The following CENPI variants were observed in gnomAD, a reference collection of about 807,000 sequenced individuals.
The protein encoded by CENPI is centromere protein I.
Under a neutral mutation model 60.4 loss-of-function variants are expected in CENPI, and 4 were observed. The ratio of observed to expected loss-of-function variants is 0.07; its 90% CI spans 0.03 to 0.15. The LOEUF is 0.15. Ranked by LOEUF, CENPI falls within the 10% of genes least tolerant of loss-of-function variation. The pLI, the probability that CENPI is intolerant of heterozygous loss-of-function variation, is 1.00. For missense variants in CENPI, 444 were observed against 534.5 expected, an observed-to-expected ratio of 0.83 and a Z score of 1.67; for synonymous variants, 157 against 189.4, an observed-to-expected ratio of 0.83 and a Z score of 1.40.
Position 101,124,090 on chromosome X carries a change from AGTGTGTGTGTGTGT to A in CENPI, c.688-2586_688-2573del, listed in dbSNP as rs397842781. Among the ~76,000 whole-genome samples the A allele has an allele frequency of 5.4e-4, 48 of 88,260 alleles. No homozygotes were observed. The South Asian group carries it at 6.5e-3, about 12-fold the overall frequency. The allele number at this position is 88,260 out of a possible 115,157, so 76.6% of individuals were successfully genotyped here. On this transcript the variant is annotated intron_variant, in intron 8 of 21. Transcript: ENST00000682095. ...TTGCACGGTTGTACATATAGAATCAAGTGTGTGTGTGTGTGTGTGTGTGTGTGTGTGTGTGTGTG... is the reference window on the plus strand; with the variant it reads ...TTGCACGGTTGTACATATAGAATCAAGTGTGTGTGTGTGTGTGTGTGTGTG...
intron 3 of CENPI, among the ~76,000 whole-genome samples, chrX:101,101,605 A>T (rs141906538): frequency 9.1e-6 from 1 of 109,560 alleles, no homozygotes; most frequent in Non-Finnish European, 1.9e-5. Context: ...GATGTCAGGC[A>T]TCTACTCTTA....
At chrX:101,142,546 G>A (rs767637974) in intron 16 of CENPI, among the ~76,000 whole-genome samples, 2 of 111,068 alleles carry the variant, frequency 1.8e-5, no homozygotes, top group East Asian at 2.8e-4. Flanking sequence ...AGTGGTTCTC[G>A]AAGGGGGCCA....
At chrX:101,161,950 A>AT (rs61531591) in intron 21 of CENPI, among the ~76,000 whole-genome samples, 1,821 of 107,680 alleles carry the variant, frequency 0.017, 50 homozygotes, top group African/African-American at 0.054. Context: ...ATTTTATTTT[A>AT]TTTTTTTTGA....
chrX:101,163,214 A>G lies in CENPI; in HGVS notation c.*247A>G. The G allele has an allele frequency of 1.0e-5, 3 of 300,086 alleles. No homozygotes were observed. Among genetic ancestry groups the G allele is most frequent in the Non-Finnish European group, 1.7e-5 (3 of 173,816 alleles). 24.7% of individuals were successfully genotyped at this position (300,086 alleles called of 1,213,427 possible). On this transcript the variant is annotated 3_prime_UTR_variant, in exon 22 of 22. Transcript: ENST00000682095. ...CATCATCAGGCTCTGCGTTCTACCA[A>G]ATTGTATGTAAAAAGACACATCTGT... is the stretch of plus-strand genomic sequence containing the variant.
chrX:101,111,262 C>G lies in CENPI; in HGVS notation c.591+1264C>G, dbSNP rs777722822. On this transcript the variant is annotated intron_variant, in intron 6 of 21. Coordinates refer to ENST00000682095, the MANE Select transcript of CENPI (RefSeq NM_001386188.2). ...CTAGTTAGGAAGCTGACATGATAATCTAGGTATAACATGATGTCCTAGACA... is the reference window on the plus strand; with the variant it reads ...CTAGTTAGGAAGCTGACATGATAATGTAGGTATAACATGATGTCCTAGACA... Among the ~76,000 whole-genome samples, 6 of 111,218 alleles carry G rather than the reference C, an allele frequency of 5.4e-5. No homozygotes were observed. In the East Asian group the frequency reaches 1.7e-3, roughly 31 times the overall value.
At chrX:101,120,362 A>T (rs1420892623) in intron 6 of CENPI, 40 bp from the exon 7 acceptor site, 1 of 653,695 alleles carries the variant, frequency 1.5e-6, no homozygotes, top group East Asian at 3.4e-5. Flanking sequence ...TGTTCAAGAC[A>T]TATTATCATT....
At chrX:101,133,482 G>T (rs2089817455) in intron 15 of CENPI, among the ~76,000 whole-genome samples, 1 of 109,342 alleles carries the variant, frequency 9.1e-6, no homozygotes, top group African/African-American at 3.3e-5. Flanking sequence ...TTGGCAGTTG[G>T]CTGTGGTTCA....
intron 17 of CENPI, 64 bp from the exon 18 acceptor site, chrX:101,146,089 G>T (rs2089958924): frequency 2.9e-6 from 3 of 1,035,877 alleles, no homozygotes; most frequent in African/African-American, 3.7e-5. Flanking sequence ...GATTCTTTGG[G>T]TGAACTTAGT....
intron 15 of CENPI, among the ~76,000 whole-genome samples, chrX:101,133,963 T>A (rs925633884): frequency 3.6e-5 from 4 of 111,381 alleles, no homozygotes; most frequent in African/African-American, 1.3e-4. Context: ...ACAATGAGTA[T>A]AGAATATGTT....
chrX:101,140,072 C>G (rs985716549), intron 15 of CENPI, among the ~76,000 whole-genome samples: 52 of 111,338 alleles, frequency 4.7e-4, no homozygotes, highest in African/African-American at 4.6e-4. Flanking sequence ...TGCTGACCTT[C>G]TGATCCGCCC....
At chrX:101,122,041 G>A (rs975573758) in intron 8 of CENPI, among the ~76,000 whole-genome samples, 1 of 110,936 alleles carries the variant, frequency 9.0e-6, no homozygotes, top group Non-Finnish European at 1.9e-5. Context: ...CTGACCTCAG[G>A]TTATCCATCT....
chrX:101,102,490 T>TACACACAC (rs776207901), intron 4 of CENPI, 79 bp downstream of exon 4: 5,634 of 290,860 alleles, frequency 0.019, 127 homozygotes, highest in South Asian at 0.084. Context: ...AAATCTTATA[T>TACACACAC]ATATATACAC....
intron 2 of CENPI, 96 bp downstream of exon 2, chrX:101,098,635 A>G (rs190268078): frequency 1.1e-4 from 12 of 111,403 alleles, no homozygotes; most frequent in Non-Finnish European, 2.3e-4. Context: ...CCTACATCCA[A>G]TTCTTTTATC....
In CENPI at chrX:101,146,095, T is replaced by C. The variant is rs140308681; in HGVS notation, c.1702-58T>C. The C allele has an allele frequency of 5.5e-4, 588 of 1,075,668 alleles. 2 individuals are homozygous for C. In the African/African-American group the frequency reaches 9.5e-3, roughly 17 times the overall value. The allele number at this position is 1,075,668 out of a possible 1,213,427, so 88.6% of individuals were successfully genotyped here. A position where few individuals can be genotyped will look rare whatever the true frequency, so the allele number is the denominator to read the frequency against. ...TGTACTGATGATTCTTTGGGTGAAC[T>C]TAGTTGAGGAGTTCTGGGGAATACT... is the stretch of plus-strand genomic sequence containing the variant. On this transcript the variant is annotated intron_variant, in intron 17 of 21. Transcript: ENST00000682095.
intron 20 of CENPI, among the ~76,000 whole-genome samples, chrX:101,154,058 A>G (rs1408288485): frequency 2.7e-5 from 3 of 111,918 alleles, no homozygotes; most frequent in Admixed American, 9.6e-5. Context: ...TCTAAAATCA[A>G]TGGACCATAG....
chrX:101,177,303 G>C, the CENPI span, among the ~76,000 whole-genome samples: 2 of 111,928 alleles, frequency 1.8e-5, no homozygotes, highest in African/African-American at 6.5e-5. Flanking sequence ...CCTGAGGCCT[G>C]CAAGTGGCAT....
chrX:101,150,724 T>C (rs2090000049), intron 20 of CENPI, among the ~76,000 whole-genome samples: 1 of 111,242 alleles, frequency 9.0e-6, no homozygotes, highest in Non-Finnish European at 1.9e-5. Flanking sequence ...TACATAATTC[T>C]ATACTATGAA....
At chrX:101,124,300 A>G (rs1602794004) in intron 8 of CENPI, among the ~76,000 whole-genome samples, 1 of 110,927 alleles carries the variant, frequency 9.0e-6, no homozygotes, top group Admixed American at 9.7e-5. Flanking sequence ...GCTGTTGCAA[A>G]TAAAGTCTGA....
chrX:101,137,308 G>A (rs1391881698), intron 15 of CENPI, among the ~76,000 whole-genome samples: 1 of 111,788 alleles, frequency 8.9e-6, no homozygotes, highest in Non-Finnish European at 1.9e-5. Context: ...TCTTCCCTTG[G>A]CGTACATTTA....
Sources: gnomAD v4.1 joint callset for allele counts (sites outside exome capture counted in the v4.1 genomes callset) on GRCh38, gnomAD v4.1.1 for gene constraint, MANE v1.5 for transcripts, NCBI Gene and HGNC (gene_info 2026-07-23, HGNC 2026-07-21) for gene names.